Variants in ZDHHC3 observed in about 807,000 individuals in gnomAD.
ZDHHC3 encodes the protein zDHHC palmitoyltransferase 3.
A neutral mutation model predicts 30.6 loss-of-function variants in ZDHHC3; 9 were observed. The ratio of observed to expected loss-of-function variants is 0.29; its 90% CI spans 0.18 to 0.51. The LOEUF is 0.51. Ranked by LOEUF, ZDHHC3 falls within the 20% of genes least tolerant of loss-of-function variation. The pLI is 0.97. For synonymous variants in ZDHHC3, 136 were observed against 140.2 expected, an observed-to-expected ratio of 0.97 and a Z score of 0.21; for missense variants, 246 against 384.2, an observed-to-expected ratio of 0.64 and a Z score of 3.01.
chr3:44,938,907 T>G (rs1374630310), intron 3 of ZDHHC3, among the ~76,000 whole-genome samples: 1 of 152,248 alleles, frequency 6.6e-6, no homozygotes, highest in East Asian at 1.9e-4. Flanking sequence ...TTGGTGGCAA[T>G]GCAGACCTGA....
At chr3:44,962,967 T>C (rs2125917400) in intron 1 of ZDHHC3, among the ~76,000 whole-genome samples, 1 of 152,328 alleles carries the variant, frequency 6.6e-6, no homozygotes, top group East Asian at 1.9e-4. Flanking sequence ...CACCATATAG[T>C]CCTTGAGAGG....
At chr3:44,962,271 A>C (rs1704541433) in intron 1 of ZDHHC3, among the ~76,000 whole-genome samples, 1 of 152,204 alleles carries the variant, frequency 6.6e-6, no homozygotes, top group Non-Finnish European at 1.5e-5. Context: ...GAATATTCAG[A>C]GTGGTTGCAT....
At chr3:44,963,826 C>T (rs779856274) in intron 1 of ZDHHC3, among the ~76,000 whole-genome samples, 1 of 152,208 alleles carries the variant, frequency 6.6e-6, no homozygotes, top group Non-Finnish European at 1.5e-5. Context: ...TCCTTCACCC[C>T]GGCCCCTTGC....
At chr3:44,963,037 T>C (rs993132235) in intron 1 of ZDHHC3, among the ~76,000 whole-genome samples, 1 of 152,210 alleles carries the variant, frequency 6.6e-6, no homozygotes, top group African/African-American at 2.4e-5. Context: ...GTTGATTAAA[T>C]GAATGCATGA....
chr3:44,945,568 T>C (rs1190847706), intron 2 of ZDHHC3, among the ~76,000 whole-genome samples: 1 of 152,176 alleles, frequency 6.6e-6, no homozygotes, highest in African/African-American at 2.4e-5. Flanking sequence ...TTTTTGTTTT[T>C]TTTAGACAGA....
Position 44,925,460 on chromosome 3 carries a change from C to G in ZDHHC3, c.*1229G>C, listed in dbSNP as rs1700904900. ...CTTGGAGGGCACTCCCTACCTCCTT[C>G]ACCTCTATCCACCATCACCACCTCC... On this transcript the variant is annotated 3_prime_UTR_variant, in exon 7 of 7. Coordinates refer to ENST00000424952, the MANE Select transcript of ZDHHC3 (RefSeq NM_001135179.2). 1 of 985,384 alleles carries G rather than the reference C, an allele frequency of 1.0e-6. No individual in the cohort carries two copies. The highest frequency in any genetic ancestry group is 1.7e-5 in the African/African-American group (1 of 57,250). 61.0% of individuals were successfully genotyped at this position (985,384 alleles called of 1,614,324 possible). A position where few individuals can be genotyped will look rare whatever the true frequency, so the allele number is the denominator to read the frequency against.
Position 44,929,422 on chromosome 3 carries a change from A to T in ZDHHC3, c.625T>A (p.Ser209Thr), listed in dbSNP as rs754385920. Residue 209 changes from serine to threonine, a missense_variant, in exon 6 of 7, where the codon TCT (serine) becomes ACT (threonine). Ser to Thr is a moderately conservative substitution (Grantham distance 58, BLOSUM62 1). Transcript: ENST00000424952. ...AGGAGAATCACTGTGGTGGGTGGAG[A>T]GAAGGAGCTGCACTCTGAAAGAGAA... is the stretch of plus-strand genomic sequence containing the variant. ...EEDWTKCSSFSPPTTVILLIL... is the reference protein window; with the variant it reads ...EEDWTKCSSFTPPTTVILLIL... 3.7e-5 allele frequency: 59 copies of T among 1,614,024 alleles called. No homozygotes were observed. The South Asian group carries it at 6.4e-4, about 17-fold the overall frequency.
At chr3:44,934,040 C>T in intron 3 of ZDHHC3, 56 bp from the exon 4 acceptor site, 11 of 1,550,846 alleles carry the variant, frequency 7.1e-6, no homozygotes, top group Non-Finnish European at 8.9e-6. Flanking sequence ...TGGGAGGGCC[C>T]CGGGGGAACG....
intron 2 of ZDHHC3, among the ~76,000 whole-genome samples, chr3:44,948,947 A>G (rs942291269): frequency 6.6e-6 from 1 of 152,268 alleles, no homozygotes; most frequent in Non-Finnish European, 1.5e-5. Context: ...CACAAGGAGC[A>G]GGAGACAAGG....
intron 3 of ZDHHC3, among the ~76,000 whole-genome samples, chr3:44,941,913 T>TC (rs1342920665): frequency 6.6e-6 from 1 of 152,248 alleles, no homozygotes; most frequent in Admixed American, 6.5e-5. Flanking sequence ...GCCATGGCCA[T>TC]CCACATTAGC....
At chr3:44,933,401 C>A in intron 4 of ZDHHC3, 1 of 607,284 alleles carries the variant, frequency 1.6e-6, no homozygotes. Flanking sequence ...CAGCCACCTC[C>A]GGGAGTACGT....
At chr3:44,942,003 C>G (rs969366158) in intron 3 of ZDHHC3, among the ~76,000 whole-genome samples, 6 of 152,136 alleles carry the variant, frequency 3.9e-5, no homozygotes, top group South Asian at 2.1e-4. Context: ...GATGAAAGAG[C>G]GTGGGGTTTC....
At chr3:44,965,977 T>C (rs1559721598) in intron 1 of ZDHHC3, among the ~76,000 whole-genome samples, 1 of 152,224 alleles carries the variant, frequency 6.6e-6, no homozygotes, top group African/African-American at 2.4e-5. Flanking sequence ...GCACACATCT[T>C]GAGACGGTAC....
At chr3:44,929,211 C>T (rs938259108) in intron 6 of ZDHHC3, 95 bp downstream of exon 6, 1 of 1,506,354 alleles carries the variant, frequency 6.6e-7, no homozygotes, top group South Asian at 1.3e-5. Flanking sequence ...GACCACTGGG[C>T]TCCAGTCTGA....
chr3:44,956,099 C>T (rs902475808), intron 2 of ZDHHC3, among the ~76,000 whole-genome samples: 1 of 152,214 alleles, frequency 6.6e-6, no homozygotes, highest in Admixed American at 6.5e-5. Flanking sequence ...CTGCAAGGGC[C>T]AGCTGGCCAA....
At position 44,921,883 on chromosome 3, in the gene ZDHHC3, G is replaced by T. The variant is rs146972252; in HGVS notation, c.*4806C>A. 111 of 985,398 alleles carry T rather than the reference G, an allele frequency of 1.1e-4. No homozygotes were observed. The African/African-American group carries it at 1.9e-3, about 17-fold the overall frequency. 61.0% of individuals were successfully genotyped at this position (985,398 alleles called of 1,614,324 possible). ...AGAAATTCAGGGCATCCTTATGTCCGTGTTAGAGCATGTGCGGCCCCTAGA... is the reference window on the plus strand; with the variant it reads ...AGAAATTCAGGGCATCCTTATGTCCTTGTTAGAGCATGTGCGGCCCCTAGA... On this transcript the variant is annotated 3_prime_UTR_variant, in exon 7 of 7. Transcript: ENST00000424952.
intron 5 of ZDHHC3, among the ~76,000 whole-genome samples, chr3:44,932,277 CTAT>C (rs1701561300): frequency 2.0e-5 from 3 of 152,210 alleles, no homozygotes; most frequent in African/African-American, 7.2e-5. Flanking sequence ...TCTCCTATCT[CTAT>C]TGTCTGCTGG....
chr3:44,936,031 G>A (rs571197894), intron 3 of ZDHHC3, among the ~76,000 whole-genome samples: 5 of 152,330 alleles, frequency 3.3e-5, no homozygotes, highest in East Asian at 1.9e-4. Flanking sequence ...AAACTAAGAA[G>A]CTTCTGCATA....
intron 3 of ZDHHC3, among the ~76,000 whole-genome samples, chr3:44,936,106 A>T (rs1701940324): frequency 1.3e-5 from 2 of 152,242 alleles, no homozygotes; most frequent in Admixed American, 1.3e-4. Flanking sequence ...TTTGCCAACT[A>T]TGCATCTGAC....
Sources: allele counts gnomAD v4.1 joint callset (sites outside exome capture counted in the v4.1 genomes callset), GRCh38; gene constraint gnomAD v4.1.1; transcripts MANE v1.5; gene names NCBI Gene and HGNC (gene_info 2026-07-23, HGNC 2026-07-21).